TMEM131L: variants seen among roughly 807,000 people sequenced by gnomAD.
TMEM131L encodes transmembrane 131 like.
A neutral mutation model predicts 192.2 loss-of-function variants in TMEM131L; 54 were observed. That is an observed-to-expected ratio of 0.28 (90% CI 0.23 to 0.35). The LOEUF is 0.35. TMEM131L is among the 10% of genes least tolerant of loss of function. The pLI is 1.00. For synonymous variants in TMEM131L, 701 were observed against 704.9 expected (o/e 0.99, Z 0.09); for missense variants, 1,888 against 1,972.9 (o/e 0.96, Z 0.82).
At chr4:153,510,176 C>T (rs1734259009) in intron 3 of TMEM131L, among the ~76,000 whole-genome samples, 1 of 152,002 alleles carries the variant, frequency 6.6e-6, no homozygotes, top group Non-Finnish European at 1.5e-5. Flanking sequence ...GGTATGCTTC[C>T]CTATCATCTC....
rs1734283873 is a variant in TMEM131L, at chr4:153,632,550, A to G, written c.4208-168A>G. 7.2e-6 allele frequency: 5 copies of G among 697,508 alleles called. No individual in the cohort carries two copies. In the South Asian group the frequency reaches 7.8e-5, roughly 11 times the overall value. 43.2% of individuals were successfully genotyped at this position (697,508 alleles called of 1,614,324 possible). A position where few individuals can be genotyped will look rare whatever the true frequency, so the allele number is the denominator to read the frequency against. ...ACTGTCTGAAGAAACGGTCAAAACA[A>G]TATGCTGTATTTCAGAATTATATCC... is the stretch of plus-strand genomic sequence containing the variant. On this transcript the variant is annotated intron_variant, in intron 31 of 34. Coordinates refer to ENST00000409959, the MANE Select transcript of TMEM131L (RefSeq NM_001131007.2).
chr4:153,538,997 G>T (rs1362974912), intron 3 of TMEM131L, among the ~76,000 whole-genome samples: 1 of 152,180 alleles, frequency 6.6e-6, no homozygotes, highest in Non-Finnish European at 1.5e-5. Flanking sequence ...TTGGAAATAT[G>T]CCCACTTAAA....
At position 153,603,880 on chromosome 4, in the gene TMEM131L, T is replaced by A; in HGVS notation, c.2868T>A (p.Thr956=). 1 of 1,613,908 alleles carries A rather than the reference T, an allele frequency of 6.2e-7. No individual in the cohort carries two copies. Among genetic ancestry groups the A allele is most frequent in the Non-Finnish European group, 8.5e-7 (1 of 1,179,948 alleles). ...GGAAGAACTGCCTTCCAGTGAACAC[T>A]CCCCAAAGCAGGATCCAGAATGCTG... The part of the protein sequence containing the change: ...GRGKNCLPVN[T]PQSRIQNAAK... Residue 956 remains threonine (T), a synonymous_variant, in exon 25 of 35, where the codon ACT becomes ACA. Coordinates refer to ENST00000409959, the MANE Select transcript of TMEM131L (RefSeq NM_001131007.2).
chr4:153,572,204 C>G (rs1024760683), intron 7 of TMEM131L, among the ~76,000 whole-genome samples: 1 of 152,146 alleles, frequency 6.6e-6, no homozygotes, highest in Admixed American at 6.5e-5. Context: ...ATTCAAAATC[C>G]TCCCTTCTGG....
chr4:153,556,781 G>A (rs759152866), intron 5 of TMEM131L, among the ~76,000 whole-genome samples, 185 bp from the exon 6 acceptor site: 7 of 152,198 alleles, frequency 4.6e-5, no homozygotes, highest in Admixed American at 6.5e-5. Context: ...GGTAATATTT[G>A]CTATATCTAA....
rs1427974013 is a variant in TMEM131L at position 153,634,209 on chromosome 4, C to A, written c.4346C>A (p.Ala1449Glu). Residue 1449 changes from alanine (A) to glutamate (E), a missense_variant, in exon 33 of 35, where the codon GCA becomes GAA. Ala to Glu is a moderately radical substitution (Grantham distance 107). Transcript: ENST00000409959. ...PVHNSFIDWS[A>E]TCEGQFSSAY... is the part of the protein sequence containing the mutation. Reference sequence around the variant, plus strand: ...TGTGGCAGTTTCATTGATTGGAGTGCAACATGCGAAGGCCAGTTTTCCAGC... The same window carrying A: ...TGTGGCAGTTTCATTGATTGGAGTGAAACATGCGAAGGCCAGTTTTCCAGC... 1 of 1,613,966 alleles carries A rather than the reference C, an allele frequency of 6.2e-7. No individual in the cohort carries two copies. The highest frequency in any genetic ancestry group is 8.5e-7 in the Non-Finnish European group (1 of 1,179,856).
intron 2 of TMEM131L, among the ~76,000 whole-genome samples, chr4:153,470,207 C>T (rs538224699): frequency 1.8e-4 from 27 of 152,122 alleles, no homozygotes; most frequent in Non-Finnish European, 3.7e-4. Context: ...CCTGTTTTCT[C>T]ATCTGCAAAG....
intron 3 of TMEM131L, among the ~76,000 whole-genome samples, chr4:153,515,216 A>T (rs1734649767): frequency 6.6e-6 from 1 of 152,194 alleles, no homozygotes; most frequent in South Asian, 2.1e-4. Context: ...ACTTATTAGA[A>T]AACACCACTC....
chr4:153,544,421 C>T (rs1737018749), intron 3 of TMEM131L, among the ~76,000 whole-genome samples: 1 of 152,192 alleles, frequency 6.6e-6, no homozygotes, highest in African/African-American at 2.4e-5. Context: ...GAGTTTCCCT[C>T]GCTATCCTCC....
intron 3 of TMEM131L, among the ~76,000 whole-genome samples, chr4:153,498,893 A>G (rs933853113): frequency 1.3e-5 from 2 of 152,176 alleles, no homozygotes. Flanking sequence ...CCTTTCTTGG[A>G]AAAAAACCCA....
chr4:153,508,703 A>C (rs1245235980), intron 3 of TMEM131L, among the ~76,000 whole-genome samples: 2 of 147,148 alleles, frequency 1.4e-5, no homozygotes, highest in Non-Finnish European at 3.0e-5. Context: ...TTTAGCTCGG[A>C]CACCCAGGCT....
intron 3 of TMEM131L, among the ~76,000 whole-genome samples, chr4:153,480,333 C>T (rs535667124): frequency 1.5e-4 from 23 of 150,642 alleles, no homozygotes; most frequent in South Asian, 4.2e-4. Context: ...AGCGAGACTC[C>T]GTCTCAAAAG....
At chr4:153,490,061 C>T (rs567040288) in intron 3 of TMEM131L, among the ~76,000 whole-genome samples, 55 of 152,146 alleles carry the variant, frequency 3.6e-4, no homozygotes, top group African/African-American at 1.3e-3. Flanking sequence ...TTGTTATTTC[C>T]TGGAAATGCT....
intron 14 of TMEM131L, among the ~76,000 whole-genome samples, chr4:153,587,522 T>C (rs1358955988): frequency 6.6e-6 from 1 of 152,164 alleles, no homozygotes; most frequent in East Asian, 1.9e-4. Context: ...ATTATTGTCA[T>C]TGATTATTGT....
chr4:153,619,985 G>A (rs1286118234), intron 26 of TMEM131L, among the ~76,000 whole-genome samples: 2 of 152,058 alleles, frequency 1.3e-5, no homozygotes, highest in Non-Finnish European at 2.9e-5. Context: ...TACCACCACC[G>A]CCCACCCACT....
intron 29 of TMEM131L, among the ~76,000 whole-genome samples, chr4:153,625,588 CA>C (rs1733784037): frequency 6.6e-6 from 1 of 151,888 alleles, no homozygotes; most frequent in Non-Finnish European, 1.5e-5. Context: ...TGTAAAAAAA[CA>C]AAAGACAATG....
At chr4:153,594,391 A>G (rs1731283164) in intron 19 of TMEM131L, among the ~76,000 whole-genome samples, 1 of 152,178 alleles carries the variant, frequency 6.6e-6, no homozygotes, top group Non-Finnish European at 1.5e-5. Flanking sequence ...GTAGGAGTAA[A>G]CATGTCATGT....
chr4:153,499,587 C>T (rs935226146), intron 3 of TMEM131L, among the ~76,000 whole-genome samples: 6 of 152,180 alleles, frequency 3.9e-5, no homozygotes, highest in East Asian at 1.9e-4. Context: ...CCACCATGCC[C>T]GGCTAATTTT....
intron 26 of TMEM131L, among the ~76,000 whole-genome samples, chr4:153,620,475 G>A (rs555203416): frequency 6.6e-6 from 1 of 152,334 alleles, no homozygotes; most frequent in East Asian, 1.9e-4. Context: ...TTGCTGCAAA[G>A]TTAACAGCAA....
Sources: allele counts gnomAD v4.1 joint callset (sites outside exome capture counted in the v4.1 genomes callset), GRCh38; gene constraint gnomAD v4.1.1; transcripts MANE v1.5; gene names NCBI Gene and HGNC (gene_info 2026-07-23, HGNC 2026-07-21).